RMDN2: variants seen among roughly 807,000 people sequenced by gnomAD.
RMDN2 encodes regulator of microtubule dynamics 2, also known as regulator of microtubule dynamics protein 2.
A neutral mutation model predicts 52.8 loss-of-function variants in RMDN2; 61 were observed. The observed-to-expected ratio is 1.16, with a 90% CI of 0.94 to 1.43. RMDN2 has a LOEUF of 1.43. RMDN2 is among the 40% of genes most tolerant of loss of function. RMDN2 has a pLI of 0.00. For missense variants in RMDN2, 592 were observed against 475.3 expected (o/e 1.25, Z -2.28); for synonymous variants, 180 against 153.1 (o/e 1.18, Z -1.30).
intron 4 of RMDN2, among the ~76,000 whole-genome samples, chr2:37,976,920 C>T (rs1162990369): frequency 1.3e-5 from 2 of 150,878 alleles, no homozygotes; most frequent in African/African-American, 4.9e-5. Flanking sequence ...GGTCACAGGA[C>T]AATAGTGGAG....
In RMDN2 at chr2:38,009,846, C is replaced by G. The variant is rs928502493; in HGVS notation, c.1179+5630C>G. Reference sequence around the variant, plus strand: ...TTTTCCCCATCTTTGTGGTTTTTTTCTACCTTTGGTCTTTGATGATGGTGA... The same window carrying G: ...TTTTCCCCATCTTTGTGGTTTTTTTGTACCTTTGGTCTTTGATGATGGTGA... On this transcript the variant is annotated intron_variant, in intron 10 of 10. Transcript: ENST00000354545. Among the ~76,000 whole-genome samples, 9 of 152,186 alleles carry G rather than the reference C, an allele frequency of 5.9e-5. No homozygotes were observed. In the South Asian group the frequency reaches 1.9e-3, roughly 32 times the overall value.
At chr2:37,941,208 G>T (rs1227223622) in intron 2 of RMDN2, among the ~76,000 whole-genome samples, 1 of 152,116 alleles carries the variant, frequency 6.6e-6, no homozygotes, top group Non-Finnish European at 1.5e-5. Context: ...TGTTTGCCTG[G>T]GTATCACCAG....
At chr2:37,936,410 G>T (rs1016815491) in intron 2 of RMDN2, among the ~76,000 whole-genome samples, 1 of 152,154 alleles carries the variant, frequency 6.6e-6, no homozygotes, top group African/African-American at 2.4e-5. Flanking sequence ...TATATACCCC[G>T]TAATGGGATT....
intron 2 of RMDN2, among the ~76,000 whole-genome samples, chr2:37,959,739 G>A (rs945999610): frequency 2.0e-5 from 3 of 150,902 alleles, no homozygotes; most frequent in Admixed American, 6.6e-5. Flanking sequence ...TAATTGTGAT[G>A]TTAGGGTGTC....
chr2:37,937,702 G>T (rs775601206), intron 2 of RMDN2, among the ~76,000 whole-genome samples: 21 of 151,620 alleles, frequency 1.4e-4, no homozygotes, highest in Non-Finnish European at 2.7e-4. Context: ...TCTATTATTG[G>T]TTTGTAGGAA....
At chr2:37,997,558 A>T (rs1435421561) in intron 8 of RMDN2, 44 bp downstream of exon 8, 1 of 1,151,910 alleles carries the variant, frequency 8.7e-7, no homozygotes, top group African/African-American at 1.5e-5. Flanking sequence ...ACTGATTACC[A>T]TCTGCACCAA....
downstream of RMDN2, among the ~76,000 whole-genome samples, chr2:38,020,297 G>C (rs997208865): frequency 6.6e-6 from 1 of 151,658 alleles, no homozygotes; most frequent in African/African-American, 2.4e-5. Flanking sequence ...CCCATCTAGG[G>C]GTGACGGGAG....
rs1369101503 is a variant in RMDN2 at position 37,929,466 on chromosome 2, A to T, written c.189A>T (p.Gly63=). ...AAGATGAAATACATGATGACCAAGG[A>T]ACAACAGTAATCTTTCAAGAAAGGC... ...TLQDEIHDDQ[G]TTVIFQERQL... is the part of the protein sequence containing the mutation. The change falls in exon 2 of 11, where the codon GGA becomes GGT. Residue 63 remains glycine, a synonymous_variant. Coordinates refer to ENST00000354545, the MANE Select transcript of RMDN2 (RefSeq NM_001170791.3). 6.4e-7 allele frequency: 1 copy of T among 1,551,736 alleles called. No individual in the cohort carries two copies. The highest frequency in any genetic ancestry group is 1.2e-5 in the South Asian group (1 of 84,068).
At chr2:37,999,821 G>A (rs1162580124) in intron 8 of RMDN2, among the ~76,000 whole-genome samples, 4 of 152,212 alleles carry the variant, frequency 2.6e-5, no homozygotes, top group East Asian at 1.9e-4. Context: ...GCTGGATCCC[G>A]TAGAGGTTGA....
chr2:38,060,353 T>A (rs1397199538), intron 10 of RMDN2, among the ~76,000 whole-genome samples: 1 of 152,140 alleles, frequency 6.6e-6, no homozygotes, highest in Non-Finnish European at 1.5e-5. Flanking sequence ...ACAGCAATCA[T>A]TCCTGGAAAC....
intron 2 of RMDN2, among the ~76,000 whole-genome samples, chr2:37,972,152 T>C (rs1671890092): frequency 6.6e-6 from 1 of 152,206 alleles, no homozygotes; most frequent in Non-Finnish European, 1.5e-5. Context: ...TTGTAGTTTT[T>C]TGCTGATATG....
intron 2 of RMDN2, among the ~76,000 whole-genome samples, chr2:37,970,639 A>C (rs1283142518): frequency 1.3e-5 from 2 of 152,184 alleles, no homozygotes; most frequent in African/African-American, 4.8e-5. Context: ...TTTCACAATA[A>C]AACTATTCTA....
At chr2:37,997,893 CAT>C (rs1284147797) in intron 8 of RMDN2, 2 of 174,346 alleles carry the variant, frequency 1.1e-5, no homozygotes, top group African/African-American at 4.8e-5. Context: ...ATTAGCCTAA[CAT>C]AGAACCAGTT....
chr2:37,994,573 G>A (rs554114786), intron 7 of RMDN2, among the ~76,000 whole-genome samples: 122 of 152,182 alleles, frequency 8.0e-4, no homozygotes, highest in African/African-American at 2.9e-3. Flanking sequence ...TCTGTGAGTG[G>A]TAAGCAAGCA....
chr2:37,983,174 A>G (rs1237822187), intron 5 of RMDN2, among the ~76,000 whole-genome samples: 14 of 152,124 alleles, frequency 9.2e-5, no homozygotes, highest in Non-Finnish European at 2.1e-4. Context: ...CCCATGAAGA[A>G]TCACATTAAA....
chr2:37,928,538 T>G (rs1391416839), intron 1 of RMDN2, among the ~76,000 whole-genome samples: 1 of 152,244 alleles, frequency 6.6e-6, no homozygotes, highest in African/African-American at 2.4e-5. Flanking sequence ...GCTTCCTATC[T>G]TCACTTCCTA....
At chr2:37,961,422 A>T (rs1430444598) in intron 2 of RMDN2, among the ~76,000 whole-genome samples, 1 of 151,680 alleles carries the variant, frequency 6.6e-6, no homozygotes, top group Non-Finnish European at 1.5e-5. Flanking sequence ...TGTCTTTACA[A>T]TTTATTTCAT....
At chr2:38,031,929 G>C (rs1680236956) in intron 10 of RMDN2, among the ~76,000 whole-genome samples, 1 of 152,026 alleles carries the variant, frequency 6.6e-6, no homozygotes, top group South Asian at 2.1e-4. Flanking sequence ...GGTCTCAAGA[G>C]AATCATACAA....
chr2:38,008,386 G>A (rs1290528468), intron 10 of RMDN2, among the ~76,000 whole-genome samples: 2 of 152,118 alleles, frequency 1.3e-5, no homozygotes, highest in Non-Finnish European at 2.9e-5. Flanking sequence ...GAATCTGGGT[G>A]CTCCTGTATT....
Sources: allele counts gnomAD v4.1 joint callset (sites outside exome capture counted in the v4.1 genomes callset), GRCh38; gene constraint gnomAD v4.1.1; transcripts MANE v1.5; gene names NCBI Gene and HGNC (gene_info 2026-07-23, HGNC 2026-07-21).